Variants in MORN1 observed in about 807,000 individuals in gnomAD.
MORN1 encodes the protein MORN repeat containing 1.
MORN1 carries 67 observed loss-of-function variants against 61.9 expected under a neutral mutation model. The ratio of observed to expected loss-of-function variants is 1.08; its 90% CI spans 0.89 to 1.33. The LOEUF is 1.33. MORN1 is among the 40% of genes most tolerant of loss of function. The pLI is 0.00. For synonymous variants in MORN1, 301 were observed against 292.0 expected (o/e 1.03, Z -0.31); for missense variants, 752 against 691.2 (o/e 1.09, Z -0.99).
Position 2,372,709 on chromosome 1 carries a change from C to T in MORN1, c.635-118G>A, listed in dbSNP as rs1325334910. 1.4e-6 allele frequency: 1 copy of T among 716,048 alleles called. No homozygotes were observed. The allele number at this position is 716,048 out of a possible 1,614,324, so 44.4% of individuals were successfully genotyped here. ...CCAGAGCCCAGTGTGGCAGCTGGAA[C>T]ACAAGCACATGCGGGGGCCGACCCT... On this transcript the variant is annotated intron_variant, in intron 7 of 13. Coordinates refer to ENST00000378531, the MANE Select transcript of MORN1 (RefSeq NM_024848.3). This position sits in a 1 kb window ranked among gnomAD's most constrained non-coding sequence, Gnocchi z 5.4.
chr1:2,367,208 A>G (rs1037185770), intron 8 of MORN1, among the ~76,000 whole-genome samples: 22 of 152,220 alleles, frequency 1.4e-4, no homozygotes, highest in Admixed American at 1.4e-3. Context: ...ACATTACAAG[A>G]AAAGAAAATT....
chr1:2,323,546 G>C, intron 13 of MORN1: 1 of 985,360 alleles, frequency 1.0e-6, no homozygotes, highest in African/African-American at 1.7e-5. Flanking sequence ...GGCTTGGTGG[G>C]GGGGTGCCAG....
At chr1:2,333,367 A>T (rs1641199782) in intron 12 of MORN1, among the ~76,000 whole-genome samples, 1 of 152,152 alleles carries the variant, frequency 6.6e-6, no homozygotes, top group African/African-American at 2.4e-5. Context: ...CATTATGGAA[A>T]GGGGGTCCCC....
At chr1:2,360,232 G>C (rs1313177915) in intron 8 of MORN1, among the ~76,000 whole-genome samples, 1 of 152,202 alleles carries the variant, frequency 6.6e-6, no homozygotes, top group Non-Finnish European at 1.5e-5. Context: ...TCTGGCAAAG[G>C]AGACACGATT....
chr1:2,338,938 CACAA>C (rs1641338634), intron 10 of MORN1, among the ~76,000 whole-genome samples: 1 of 152,092 alleles, frequency 6.6e-6, no homozygotes, highest in Non-Finnish European at 1.5e-5. Flanking sequence ...CCCTGCGCAG[CACAA>C]ACAGAAATTA....
At chr1:2,362,568 A>G (rs1641911112) in intron 8 of MORN1, among the ~76,000 whole-genome samples, 1 of 152,250 alleles carries the variant, frequency 6.6e-6, no homozygotes, top group Non-Finnish European at 1.5e-5. Flanking sequence ...CATGGGTAAC[A>G]CATGGGAGAG....
chr1:2,321,372 G>C lies in MORN1; in HGVS notation c.*11C>G. On this transcript the variant is annotated 3_prime_UTR_variant, in exon 14 of 14. Coordinates refer to ENST00000378531, the MANE Select transcript of MORN1 (RefSeq NM_024848.3). ...ATTCACACCGAGGTGGCCTCCTGTG[G>C]ACACGGGGCCTCACCGAGGCGCTGG... 6.7e-7 allele frequency: 1 copy of C among 1,489,550 alleles called. No individual in the cohort carries two copies. Among genetic ancestry groups the C allele is most frequent in the South Asian group, 1.3e-5 (1 of 77,524 alleles). The allele number at this position is 1,489,550 out of a possible 1,614,324, so 92.3% of individuals were successfully genotyped here. A position where few individuals can be genotyped will look rare whatever the true frequency, so the allele number is the denominator to read the frequency against.
chr1:2,323,718 T>G (rs1427140474), intron 13 of MORN1: 1 of 985,230 alleles, frequency 1.0e-6, no homozygotes, highest in African/African-American at 1.7e-5. Flanking sequence ...GCAGCCGGCC[T>G]TGCTGGGGAG....
At chr1:2,386,201 A>T in intron 4 of MORN1, 1 of 387,534 alleles carries the variant, frequency 2.6e-6, no homozygotes, top group Admixed American at 3.7e-5. Context: ...GGCCCTGCGG[A>T]CTGCCATCTG....
In MORN1 at chr1:2,368,960, G is replaced by C. The variant is rs538399345; in HGVS notation, c.745+3521C>G. 9.2e-5 allele frequency among the ~76,000 whole-genome samples: 14 copies of C among 152,140 alleles called. No individual in the cohort carries two copies. In the East Asian group the frequency reaches 9.7e-4, roughly 10 times the overall value. On this transcript the variant is annotated intron_variant, in intron 8 of 13. Coordinates refer to ENST00000378531, the MANE Select transcript of MORN1 (RefSeq NM_024848.3). Reference sequence around the variant, plus strand: ...TAGTGCCAGCTACTTGGGAGGCTGAGGCAGGAGAATCGCTTGAGCCCGGGA... The same window carrying C: ...TAGTGCCAGCTACTTGGGAGGCTGACGCAGGAGAATCGCTTGAGCCCGGGA...
chr1:2,342,488 C>CT (rs1641415520), intron 10 of MORN1, among the ~76,000 whole-genome samples: 1 of 152,262 alleles, frequency 6.6e-6, no homozygotes, highest in Non-Finnish European at 1.5e-5. Flanking sequence ...GGGCATTAGT[C>CT]TTTAAGAGTC....
chr1:2,327,626 C>T (rs531905139), intron 12 of MORN1, among the ~76,000 whole-genome samples: 64 of 152,360 alleles, frequency 4.2e-4, no homozygotes, highest in South Asian at 1.4e-3. Context: ...AGGCTGTGGA[C>T]GGCTGCGAGT....
At position 2,372,812 on chromosome 1, in the gene MORN1, A is replaced by G. The variant is rs1642151699; in HGVS notation, c.635-221T>C. Reference sequence around the variant, plus strand: ...GTGAGGCTCGGCTCTGCTGGCCTGGAGCACTGTGGAATCGAACCAAGTGGA... The same window carrying G: ...GTGAGGCTCGGCTCTGCTGGCCTGGGGCACTGTGGAATCGAACCAAGTGGA... On this transcript the variant is annotated intron_variant, in intron 7 of 13. Coordinates refer to ENST00000378531, the MANE Select transcript of MORN1 (RefSeq NM_024848.3). This position sits in a 1 kb window ranked among gnomAD's most constrained non-coding sequence, Gnocchi z 5.4. Among the ~76,000 whole-genome samples, 1 of 152,228 alleles carries G rather than the reference A, an allele frequency of 6.6e-6. No individual in the cohort carries two copies. The highest frequency in any genetic ancestry group is 1.5e-5 in the Non-Finnish European group (1 of 68,042).
chr1:2,322,686 A>G, intron 13 of MORN1: 1 of 985,434 alleles, frequency 1.0e-6, no homozygotes, highest in Non-Finnish European at 1.2e-6. Flanking sequence ...CCCACATGGC[A>G]ACGCCACAGT....
At chr1:2,375,256 C>T (rs2279703) in intron 6 of MORN1, 52,392 of 152,150 alleles carry the variant, frequency 0.34, 9,742 homozygotes, top group East Asian at 0.49. Context: ...TGTTCACTCT[C>T]TGGCAGGAGC....
chr1:2,382,657 G>C (rs1477762408), intron 6 of MORN1, among the ~76,000 whole-genome samples: 1 of 152,212 alleles, frequency 6.6e-6, no homozygotes, highest in Non-Finnish European at 1.5e-5. Flanking sequence ...CAAGGGAGCA[G>C]TGGCTGCCCC....
chr1:2,341,717 G>T (rs971668838), intron 10 of MORN1, among the ~76,000 whole-genome samples: 1 of 151,052 alleles, frequency 6.6e-6, no homozygotes, highest in East Asian at 1.9e-4. Flanking sequence ...AAAAGAAAAA[G>T]AAAAGGCTAA....
chr1:2,361,075 C>G (rs1376010557), intron 8 of MORN1, among the ~76,000 whole-genome samples: 1 of 152,154 alleles, frequency 6.6e-6, no homozygotes, highest in Non-Finnish European at 1.5e-5. Context: ...TGTCTGGCAT[C>G]CAATCAAAGA....
rs561543765 is a variant in MORN1, at chr1:2,336,717, C to A, written c.1170G>T (p.Lys390Asn). The A allele has an allele frequency of 6.4e-7, 1 of 1,563,540 alleles. No homozygotes were observed. The highest frequency in any genetic ancestry group is 1.2e-5 in the South Asian group (1 of 82,822). ...HPFLFLDSLH[K>N]KAGGRSRGGL... ...CTCCCCGCCCCCCGTGGGCACCCAC[C>A]TTGTGGAGGCTGTCCAGGAACAGGA... The change falls in exon 11 of 14, where the codon AAG becomes AAT. Residue 390 changes from lysine to asparagine, a missense_variant and splice_region_variant. Lys to Asn is a moderately conservative substitution (Grantham distance 94, BLOSUM62 0). Transcript: ENST00000378531.
Sources: allele counts gnomAD v4.1 joint callset (sites outside exome capture counted in the v4.1 genomes callset), GRCh38; gene constraint gnomAD v4.1.1; non-coding constraint Gnocchi (gnomAD v3.1); transcripts MANE v1.5; gene names NCBI Gene and HGNC (gene_info 2026-07-23, HGNC 2026-07-21).